CRYM: variants seen among roughly 807,000 people sequenced by gnomAD.
CRYM encodes the protein crystallin mu, also known as ketimine reductase mu-crystallin.
A neutral mutation model predicts 32.9 loss-of-function variants in CRYM; 18 were observed. The observed-to-expected ratio is 0.55, with a 90% CI of 0.38 to 0.81. The LOEUF (loss-of-function observed/expected upper bound fraction) is 0.81, where lower values mean the gene tolerates loss of function less well. Among genes scored for constraint, CRYM ranks in the 30% least tolerant of loss-of-function variants. The probability of loss-of-function intolerance (pLI) is 0.00; values close to 1 mark genes in which losing one functional copy is unlikely to be tolerated. For synonymous variants in CRYM, 153 were observed against 152.4 expected, an observed-to-expected ratio of 1.00 and a Z score of -0.03; for missense variants, 337 against 393.5, an observed-to-expected ratio of 0.86 and a Z score of 1.21.
intron 1 of CRYM, among the ~76,000 whole-genome samples, chr16:21,288,662 TG>T (rs1434519123): frequency 1.3e-5 from 2 of 152,198 alleles, no homozygotes; most frequent in African/African-American, 4.8e-5. Context: ...GCTTTGGGTT[TG>T]GTTTGCTCTT....
At chr16:21,284,064 T>A (rs1375577004) in intron 1 of CRYM, 2 of 151,678 alleles carry the variant, frequency 1.3e-5, no homozygotes, top group Non-Finnish European at 2.9e-5. Flanking sequence ...CCGCTGCCCG[T>A]GGTCGGCGCG....
intron 1 of CRYM, among the ~76,000 whole-genome samples, chr16:21,291,280 T>A (rs1385765634): frequency 1.3e-5 from 2 of 152,140 alleles, no homozygotes; most frequent in Non-Finnish European, 2.9e-5. Flanking sequence ...ATCCAAGAGG[T>A]GAATATGTTG....
intron 5 of CRYM, among the ~76,000 whole-genome samples, chr16:21,266,860 A>G (rs2093364692): frequency 6.6e-6 from 1 of 151,922 alleles, no homozygotes. Flanking sequence ...ACAAAAAATT[A>G]GCTGGGCATG....
chr16:21,259,265 A>AT (rs1281879181), intron 7 of CRYM, among the ~76,000 whole-genome samples: 10,573 of 142,378 alleles, frequency 0.074, 813 homozygotes, highest in African/African-American at 0.2. Flanking sequence ...TGCCTGGCTA[A>AT]TTTTTTTTTT....
intron 5 of CRYM, among the ~76,000 whole-genome samples, chr16:21,266,622 T>C (rs1045727583): frequency 1.3e-5 from 2 of 152,200 alleles, no homozygotes; most frequent in Admixed American, 6.5e-5. Context: ...ATTCTTAGTG[T>C]TAAGAAAAAG....
intron 3 of CRYM, 134 bp from the exon 4 acceptor site, chr16:21,270,025 A>T (rs931437480): frequency 1.4e-6 from 1 of 703,260 alleles, no homozygotes; most frequent in African/African-American, 1.8e-5. Context: ...CAATCAAGAG[A>T]ATTTCCTTTT....
intron 5 of CRYM, 144 bp from the exon 6 acceptor site, chr16:21,262,302 C>T: frequency 3.1e-6 from 3 of 977,426 alleles, no homozygotes; most frequent in Non-Finnish European, 4.7e-6. Context: ...CCATGCTCTC[C>T]CAATCAGTAG....
upstream of CRYM, among the ~76,000 whole-genome samples, chr16:21,282,666 A>C (rs1486928262): frequency 6.6e-6 from 1 of 152,190 alleles, no homozygotes; most frequent in Non-Finnish European, 1.5e-5. Context: ...CAAAATAAGA[A>C]ACCTCAATAA....
chr16:21,281,746 G>A (rs777312207), upstream of CRYM, among the ~76,000 whole-genome samples: 11 of 152,136 alleles, frequency 7.2e-5, no homozygotes, highest in South Asian at 2.1e-4. Context: ...ACCTTTTGAC[G>A]TATCAGGCTG....
intron 3 of CRYM, among the ~76,000 whole-genome samples, chr16:21,271,472 C>T (rs1179206836): frequency 6.6e-6 from 1 of 152,208 alleles, no homozygotes; most frequent in Non-Finnish European, 1.5e-5. Flanking sequence ...GTCTTCTTAA[C>T]TACTAATTAC....
chr16:21,300,777 G>T (rs1297195263), intron 1 of CRYM: 1 of 152,278 alleles, frequency 6.6e-6, no homozygotes, highest in Non-Finnish European at 1.5e-5. Flanking sequence ...ATCCGGCATT[G>T]CAGGGAAGAG....
chr16:21,281,958 C>G (rs1487283530), upstream of CRYM, among the ~76,000 whole-genome samples: 1 of 152,182 alleles, frequency 6.6e-6, no homozygotes, highest in Non-Finnish European at 1.5e-5. Flanking sequence ...AAGTGCCTGT[C>G]TCTGATCTTG....
At chr16:21,279,380 T>C (rs1489649595), upstream of CRYM, among the ~76,000 whole-genome samples, 1 of 152,202 alleles carries the variant, frequency 6.6e-6, no homozygotes, top group Non-Finnish European at 1.5e-5. Context: ...CAGAATTATA[T>C]TCCTAATCAT....
chr16:21,275,412 C>T (rs938792428), intron 3 of CRYM, 120 bp downstream of exon 3: 12 of 800,886 alleles, frequency 1.5e-5, no homozygotes, highest in Admixed American at 3.9e-5. Flanking sequence ...TCTGGAGTTC[C>T]AGCTATGTCC....
At chr16:21,280,419 A>C (rs1197933032), upstream of CRYM, among the ~76,000 whole-genome samples, 1 of 152,080 alleles carries the variant, frequency 6.6e-6, no homozygotes, top group East Asian at 1.9e-4. Flanking sequence ...ATAAAATCCT[A>C]TGCCCCCCAC....
chr16:21,274,247 A>G (rs1377713645), intron 3 of CRYM, among the ~76,000 whole-genome samples: 2 of 152,134 alleles, frequency 1.3e-5, no homozygotes, highest in South Asian at 2.1e-4. Flanking sequence ...ATGCCTTGAC[A>G]TTGCTTGGGA....
chr16:21,294,990 G>A (rs576888798), intron 1 of CRYM, among the ~76,000 whole-genome samples: 6 of 151,784 alleles, frequency 4.0e-5, no homozygotes, highest in African/African-American at 4.8e-5. Context: ...CCACCACACC[G>A]TGCTGATTTC....
At chr16:21,260,019 G>C (rs1327021698) in intron 7 of CRYM, among the ~76,000 whole-genome samples, 1 of 152,170 alleles carries the variant, frequency 6.6e-6, no homozygotes, top group African/African-American at 2.4e-5. Flanking sequence ...TTTGAACCAG[G>C]CTCCAGATAA....
intron 5 of CRYM, among the ~76,000 whole-genome samples, chr16:21,264,977 T>C (rs1251879384): frequency 6.6e-6 from 1 of 152,108 alleles, no homozygotes; most frequent in Non-Finnish European, 1.5e-5. Context: ...TGTGAGACTT[T>C]GCACAGAGGA....
Sources: allele counts gnomAD v4.1 joint callset (sites outside exome capture counted in the v4.1 genomes callset), GRCh38; gene constraint gnomAD v4.1.1; transcripts MANE v1.5; gene names NCBI Gene and HGNC (gene_info 2026-07-23, HGNC 2026-07-21).